PODXL: variants seen among roughly 807,000 people sequenced by gnomAD.
PODXL encodes the protein podocalyxin.
In PODXL, 20 loss-of-function variants were observed where a neutral mutation model predicts 48.9. That is an observed-to-expected ratio of 0.41 (90% CI 0.29 to 0.59). The LOEUF (loss-of-function observed/expected upper bound fraction) is 0.59, where lower values mean the gene tolerates loss of function less well. Among genes scored for constraint, PODXL ranks in the 20% least tolerant of loss-of-function variants. The pLI, the probability that PODXL is intolerant of heterozygous loss-of-function variation, is 0.31. For missense variants in PODXL, 606 were observed against 675.1 expected (o/e 0.90, Z 1.13); for synonymous variants, 295 against 287.4 (o/e 1.03, Z -0.27).
chr7:131,548,590 A>G (rs1329926950), intron 1 of PODXL, among the ~76,000 whole-genome samples: 1 of 152,242 alleles, frequency 6.6e-6, no homozygotes, highest in Non-Finnish European at 1.5e-5. Context: ...CCACGTGTGA[A>G]TGATGGCAGA....
At chr7:131,521,745 T>G (rs1295448144) in intron 1 of PODXL, among the ~76,000 whole-genome samples, 1 of 152,218 alleles carries the variant, frequency 6.6e-6, no homozygotes, top group Admixed American at 6.5e-5. Flanking sequence ...GGCAGTTTAC[T>G]CCTGGGAACC....
intron 4 of PODXL, 77 bp downstream of exon 4, chr7:131,509,287 AG>A: frequency 8.5e-7 from 1 of 1,182,400 alleles, no homozygotes; most frequent in Non-Finnish European, 1.3e-6. Context: ...GTTGGAGGAA[AG>A]AACAGAAAAC....
At chr7:131,506,448 G>A in intron 6 of PODXL, 127 bp from the exon 7 acceptor site, 1 of 1,427,384 alleles carries the variant, frequency 7.0e-7, no homozygotes, top group African/African-American at 1.4e-5. Flanking sequence ...TGACCTGGGA[G>A]GGGGTGTGGC....
chr7:131,544,755 T>C (rs1476918205), intron 1 of PODXL, among the ~76,000 whole-genome samples: 3 of 152,182 alleles, frequency 2.0e-5, no homozygotes, highest in Admixed American at 2.0e-4. Flanking sequence ...TTGTCCCACC[T>C]GCGAGTAGTG....
At chr7:131,538,784 G>A (rs1469060368) in intron 1 of PODXL, among the ~76,000 whole-genome samples, 1 of 152,110 alleles carries the variant, frequency 6.6e-6, no homozygotes, top group African/African-American at 2.4e-5. Context: ...CAAGAGAGGC[G>A]TCCCCATGCC....
chr7:131,531,029 G>C (rs1041170866), intron 1 of PODXL, among the ~76,000 whole-genome samples: 1 of 152,080 alleles, frequency 6.6e-6, no homozygotes, highest in African/African-American at 2.4e-5. Context: ...TTGCACTCCA[G>C]TCTGGGCAAC....
chr7:131,512,746 G>A (rs1322288165), intron 1 of PODXL, among the ~76,000 whole-genome samples: 1 of 152,152 alleles, frequency 6.6e-6, no homozygotes, highest in Non-Finnish European at 1.5e-5. Flanking sequence ...GGGAGGCTGA[G>A]GCAGGCAGAT....
chr7:131,516,883 C>T (rs148195684), intron 1 of PODXL, among the ~76,000 whole-genome samples: 231 of 152,002 alleles, frequency 1.5e-3, no homozygotes, highest in African/African-American at 4.8e-3. Context: ...GTGTGCACTA[C>T]GACACCTGAG....
chr7:131,522,510 C>T (rs983751073), intron 1 of PODXL, among the ~76,000 whole-genome samples: 12 of 152,128 alleles, frequency 7.9e-5, no homozygotes, highest in African/African-American at 2.9e-4. Flanking sequence ...GAGCAGCAAA[C>T]AAGGATGGGC....
chr7:131,542,236 T>C (rs1413456332), intron 1 of PODXL, among the ~76,000 whole-genome samples: 1 of 152,172 alleles, frequency 6.6e-6, no homozygotes, highest in Non-Finnish European at 1.5e-5. Context: ...CCATGCCCCG[T>C]TCTCTCTCTG....
chr7:131,533,199 C>G (rs1562913388), intron 1 of PODXL, among the ~76,000 whole-genome samples: 1 of 152,162 alleles, frequency 6.6e-6, no homozygotes, highest in Non-Finnish European at 1.5e-5. Context: ...CAGTCATGCT[C>G]CACCCTCCCC....
At chr7:131,544,900 C>T (rs928980411) in intron 1 of PODXL, among the ~76,000 whole-genome samples, 2 of 152,174 alleles carry the variant, frequency 1.3e-5, no homozygotes, top group Admixed American at 6.5e-5. Flanking sequence ...ACTCAGCAGG[C>T]CCTGTTTATC....
chr7:131,518,035 G>A lies in PODXL; in HGVS notation c.101-6602C>T, dbSNP rs527515683. 1.5e-4 allele frequency among the ~76,000 whole-genome samples: 23 copies of A among 152,178 alleles called. No homozygotes were observed. In the East Asian group the frequency reaches 3.7e-3, roughly 24 times the overall value. On this transcript the variant is annotated intron_variant, in intron 1 of 8. Coordinates refer to ENST00000378555, the MANE Select transcript of PODXL (RefSeq NM_001018111.3). ...ATTACAGGTGTGAGCCATCGGGGCCGGCCGTATATCTCTCCTCTTATAAGG... is the reference window on the plus strand; with the variant it reads ...ATTACAGGTGTGAGCCATCGGGGCCAGCCGTATATCTCTCCTCTTATAAGG...
intron 1 of PODXL, among the ~76,000 whole-genome samples, chr7:131,524,373 CACACACAGAG>C (rs1798141865): frequency 6.4e-5 from 2 of 31,276 alleles, no homozygotes; most frequent in African/African-American, 1.3e-4. Flanking sequence ...CACACACACA[CACACACAGAG>C]AGAGAGAGAG....
rs778553833 is a variant in PODXL, at chr7:131,510,784, C to G, written c.706+44G>C. The G allele has an allele frequency of 3.0e-5, 48 of 1,612,734 alleles. No homozygotes were observed. In the Middle Eastern group the frequency reaches 5.0e-4, roughly 17 times the overall value. ...CTTTTCAGAGCCATCACGCCTGGCC[C>G]TGAAAAGTTTCTTGGTGCTTGAAGA... is the stretch of plus-strand genomic sequence containing the variant. On this transcript the variant is annotated intron_variant, in intron 2 of 8. Coordinates refer to ENST00000378555, the MANE Select transcript of PODXL (RefSeq NM_001018111.3).
rs1358475089 is a variant in PODXL, at chr7:131,501,761, CAGAG to C, written c.*2546_*2549del. 3 of 152,178 alleles carry C rather than the reference CAGAG, an allele frequency of 2.0e-5. No individual in the cohort carries two copies. Among genetic ancestry groups the C allele is most frequent in the African/African-American group, 4.8e-5 (2 of 41,428 alleles). The allele number at this position is 152,178 out of a possible 1,614,324, so 9.4% of individuals were successfully genotyped here. A position where few individuals can be genotyped will look rare whatever the true frequency, so the allele number is the denominator to read the frequency against. Reference sequence around the variant, plus strand: ...CCAGACCCAATGCTCTCTGAATTATCAGAGAGCATTTAGAACCCAGTAAAGGTGG... The same window carrying C: ...CCAGACCCAATGCTCTCTGAATTATCAGCATTTAGAACCCAGTAAAGGTGG... On this transcript the variant is annotated 3_prime_UTR_variant, in exon 9 of 9. Transcript: ENST00000378555.
chr7:131,530,937 A>G (rs1264566036), intron 1 of PODXL, among the ~76,000 whole-genome samples: 1 of 152,000 alleles, frequency 6.6e-6, no homozygotes, highest in East Asian at 1.9e-4. Flanking sequence ...ACATGCCTCT[A>G]ATCCCAGCTA....
At chr7:131,549,214 TC>T (rs1243208909) in intron 1 of PODXL, among the ~76,000 whole-genome samples, 12 of 152,038 alleles carry the variant, frequency 7.9e-5, no homozygotes, top group Non-Finnish European at 1.8e-4. Flanking sequence ...AAAGTGGCAT[TC>T]ATGGGGAGAG....
intron 1 of PODXL, among the ~76,000 whole-genome samples, chr7:131,527,968 A>G (rs918823863): frequency 4.0e-5 from 6 of 149,046 alleles, no homozygotes; most frequent in Non-Finnish European, 7.4e-5. Flanking sequence ...CAGTGGTGCA[A>G]TCTCAGCTCA....
Sources: gnomAD v4.1 joint callset for allele counts (sites outside exome capture counted in the v4.1 genomes callset) on GRCh38, gnomAD v4.1.1 for gene constraint, MANE v1.5 for transcripts, NCBI Gene and HGNC (gene_info 2026-07-23, HGNC 2026-07-21) for gene names.